Variants in PDZRN4 observed in about 807,000 individuals in gnomAD.
PDZRN4 encodes the protein PDZ domain-containing RING finger protein 4.
Under a neutral mutation model 99.0 loss-of-function variants are expected in PDZRN4, and 70 were observed. The ratio of observed to expected loss-of-function variants is 0.71; its 90% CI spans 0.58 to 0.86. The LOEUF (loss-of-function observed/expected upper bound fraction) is 0.86. Among genes scored for constraint, PDZRN4 ranks in the 40% least tolerant of loss-of-function variants. PDZRN4 has a pLI of 0.00. For missense variants in PDZRN4, 1,474 were observed against 1,331.2 expected, an observed-to-expected ratio of 1.11 and a Z score of -1.67; for synonymous variants, 551 against 501.6, an observed-to-expected ratio of 1.10 and a Z score of -1.32.
chr12:41,378,685 G>A (rs1471215948), intron 3 of PDZRN4, among the ~76,000 whole-genome samples: 1 of 151,940 alleles, frequency 6.6e-6, no homozygotes, highest in Non-Finnish European at 1.5e-5. Flanking sequence ...ACCATGCCCA[G>A]CTAGTTTTTC....
At chr12:41,481,697 C>A (rs1344521368) in intron 3 of PDZRN4, among the ~76,000 whole-genome samples, 1 of 152,122 alleles carries the variant, frequency 6.6e-6, no homozygotes, top group Non-Finnish European at 1.5e-5. Flanking sequence ...TTTCAGCCCA[C>A]ACTGATTGTT....
intron 5 of PDZRN4, 76 bp from the exon 6 acceptor site, chr12:41,552,580 A>G: frequency 1.8e-6 from 2 of 1,119,932 alleles, no homozygotes; most frequent in Non-Finnish European, 2.7e-6. Context: ...TAACCCAAAG[A>G]ATATCAGTGA....
Position 41,372,848 on chromosome 12 carries a change from A to AGTCT in PDZRN4, c.844-133607_844-133604dup, listed in dbSNP as rs200830578. ...GATGGGATATTTTGATTTGGAAAGAAGTCTATACAGGATGAATTTAAAAAG... is the reference window on the plus strand; with the variant it reads ...GATGGGATATTTTGATTTGGAAAGAAGTCTGTCTATACAGGATGAATTTAAAAAG... On this transcript the variant is annotated intron_variant, in intron 3 of 9. Coordinates refer to ENST00000402685, the MANE Select transcript of PDZRN4 (RefSeq NM_001164595.2). 2.6e-4 allele frequency among the ~76,000 whole-genome samples: 40 copies of AGTCT among 152,262 alleles called. No individual in the cohort carries two copies. In the East Asian group the frequency reaches 4.7e-3, roughly 18 times the overall value.
chr12:41,258,970 G>A (rs992548080), intron 3 of PDZRN4, among the ~76,000 whole-genome samples: 22 of 152,040 alleles, frequency 1.4e-4, no homozygotes, highest in African/African-American at 4.8e-4. Flanking sequence ...GTACATGGCG[G>A]GGGGGCACTA....
chr12:41,558,782 A>C (rs1939213765), intron 7 of PDZRN4, among the ~76,000 whole-genome samples: 1 of 152,210 alleles, frequency 6.6e-6, no homozygotes, highest in African/African-American at 2.4e-5. Context: ...AACCTGGAAT[A>C]CAATTCTGTT....
intron 3 of PDZRN4, among the ~76,000 whole-genome samples, chr12:41,299,633 A>G (rs994678859): frequency 2.0e-5 from 3 of 152,016 alleles, no homozygotes; most frequent in African/African-American, 7.2e-5. Context: ...CTTTCAGAGT[A>G]GTTGTTCAGG....
intron 5 of PDZRN4, among the ~76,000 whole-genome samples, chr12:41,551,170 C>T (rs1939046785): frequency 6.6e-6 from 1 of 152,018 alleles, no homozygotes; most frequent in African/African-American, 2.4e-5. Context: ...CTGGTGAGGG[C>T]CTGTTCCTCA....
intron 3 of PDZRN4, among the ~76,000 whole-genome samples, chr12:41,393,508 A>T (rs1254549358): frequency 1.1e-3 from 37 of 32,728 alleles, no homozygotes; most frequent in Non-Finnish European, 6.0e-4. Flanking sequence ...CTTCTAAAAT[A>T]AAAAAAAAAA....
At chr12:41,399,085 G>T (rs960260439) in intron 3 of PDZRN4, among the ~76,000 whole-genome samples, 1 of 151,954 alleles carries the variant, frequency 6.6e-6, no homozygotes, top group African/African-American at 2.4e-5. Context: ...CAGAAAACTA[G>T]AAAGGTCTAA....
intron 3 of PDZRN4, among the ~76,000 whole-genome samples, chr12:41,415,762 TC>T (rs141807158): frequency 0.034 from 5,171 of 152,270 alleles, 121 homozygotes; most frequent in African/African-American, 0.072. Context: ...TTACAGTATG[TC>T]TTTCAGTTTT....
chr12:41,447,863 T>G (rs755511066), intron 3 of PDZRN4, among the ~76,000 whole-genome samples: 2 of 151,954 alleles, frequency 1.3e-5, no homozygotes, highest in African/African-American at 2.4e-5. Flanking sequence ...ATCTGACATA[T>G]AGTAGGCACT....
At chr12:41,207,085 C>G (rs1950855997) in intron 3 of PDZRN4, among the ~76,000 whole-genome samples, 1 of 151,882 alleles carries the variant, frequency 6.6e-6, no homozygotes, top group African/African-American at 2.4e-5. Context: ...TAATTCTTTT[C>G]AACAGATAAG....
chr12:41,307,446 C>A (rs928906678), intron 3 of PDZRN4, among the ~76,000 whole-genome samples: 5 of 152,154 alleles, frequency 3.3e-5, no homozygotes, highest in Non-Finnish European at 7.3e-5. Flanking sequence ...ATCACAAGGG[C>A]CCTACCTTCA....
chr12:41,368,717 A>C (rs1314536649), intron 3 of PDZRN4, among the ~76,000 whole-genome samples: 1 of 152,004 alleles, frequency 6.6e-6, no homozygotes, highest in East Asian at 1.9e-4. Flanking sequence ...AAACATTATG[A>C]TATTATTTGT....
At chr12:41,359,630 G>A (rs1951951389) in intron 3 of PDZRN4, among the ~76,000 whole-genome samples, 1 of 151,956 alleles carries the variant, frequency 6.6e-6, no homozygotes, top group South Asian at 2.1e-4. Context: ...ATAAATGGGA[G>A]TTCCCCTGCA....
chr12:41,499,928 AG>A (rs1423762616), intron 3 of PDZRN4, among the ~76,000 whole-genome samples: 1 of 152,026 alleles, frequency 6.6e-6, no homozygotes, highest in African/African-American at 2.4e-5. Flanking sequence ...TACATACGTA[AG>A]CATTTCCAAG....
rs537663771 is a variant in PDZRN4 at position 41,209,284 on chromosome 12, T to C, written c.843+15096T>C. On this transcript the variant is annotated intron_variant, in intron 3 of 9. Coordinates refer to ENST00000402685, the MANE Select transcript of PDZRN4 (RefSeq NM_001164595.2). ...GACGACATCTGAAAATTAGGCATCA[T>C]TTTCTTTATCCATAAGCACAATGTC... Among the ~76,000 whole-genome samples, 15 of 152,056 alleles carry C rather than the reference T, an allele frequency of 9.9e-5. No individual in the cohort carries two copies. The East Asian group carries it at 2.9e-3, about 29-fold the overall frequency.
intron 3 of PDZRN4, among the ~76,000 whole-genome samples, chr12:41,425,860 T>C (rs918746337): frequency 1.3e-5 from 2 of 152,142 alleles, no homozygotes; most frequent in Non-Finnish European, 2.9e-5. Context: ...GTACAACTTA[T>C]CAAGCAAAAA....
chr12:41,470,132 T>C (rs191037183), intron 3 of PDZRN4, among the ~76,000 whole-genome samples: 9 of 152,192 alleles, frequency 5.9e-5, no homozygotes, highest in African/African-American at 1.9e-4. Context: ...TCTACTCTGT[T>C]TATCGAGATG....
Sources: gnomAD v4.1 joint callset for allele counts (sites outside exome capture counted in the v4.1 genomes callset) on GRCh38, gnomAD v4.1.1 for gene constraint, MANE v1.5 for transcripts, NCBI Gene and HGNC (gene_info 2026-07-23, HGNC 2026-07-21) for gene names.